Variants in INPPL1 observed in about 807,000 individuals in gnomAD.
INPPL1 encodes inositol polyphosphate phosphatase like 1, also known as phosphatidylinositol 3,4,5-trisphosphate 5-phosphatase 2.
INPPL1 carries 91 observed loss-of-function variants against 139.3 expected under a neutral mutation model. The ratio of observed to expected loss-of-function variants is 0.65; its 90% CI spans 0.55 to 0.78. INPPL1 has a LOEUF of 0.78. INPPL1 is among the 30% of genes least tolerant of loss of function. The probability of loss-of-function intolerance (pLI) is 0.00; values close to 1 mark genes in which losing one functional copy is unlikely to be tolerated. For missense variants in INPPL1, 1,411 were observed against 1,665.6 expected, an observed-to-expected ratio of 0.85 and a Z score of 2.66; for synonymous variants, 719 against 686.6, an observed-to-expected ratio of 1.05 and a Z score of -0.74.
rs759950656 is a variant in INPPL1, at chr11:72,238,119, G to C, written c.3630G>C (p.Leu1210Phe). 1 of 1,575,256 alleles carries C rather than the reference G, an allele frequency of 6.3e-7. No individual in the cohort carries two copies. Among genetic ancestry groups the C allele is most frequent in the Non-Finnish European group, 8.6e-7 (1 of 1,161,734 alleles). ...GMSAWLRAIG[L>F]ERYEEGLVHN... ...GTGCCTGGCTGCGGGCCATCGGCTTGGAGCGCTATGAGGAGGGCCTGGTGC... is the reference window on the plus strand; with the variant it reads ...GTGCCTGGCTGCGGGCCATCGGCTTCGAGCGCTATGAGGAGGGCCTGGTGC... Residue 1210 changes from leucine (L) to phenylalanine (F), a missense_variant, in exon 27 of 28, where the codon TTG becomes TTC. Physicochemically the swap from Leu to Phe is conservative, Grantham distance 22. Around this residue, in one of 5 missense-constraint regions of INPPL1, gnomAD observed 438 missense variants for 425.7 expected, o/e 1.03. Transcript: ENST00000298229.
chr11:72,226,377 C>T (rs1284990267), intron 1 of INPPL1, among the ~76,000 whole-genome samples: 4 of 151,988 alleles, frequency 2.6e-5, no homozygotes, highest in Admixed American at 1.3e-4. Context: ...GATGGGGTTT[C>T]ACCATATTGG....
upstream of INPPL1, chr11:72,223,818 G>T: frequency 6.6e-6 from 1 of 150,490 alleles, no homozygotes; most frequent in South Asian, 1.8e-4. Context: ...GGCGAGGCGC[G>T]GTGCTGCCCC....
Position 72,230,024 on chromosome 11 carries a change from A to C in INPPL1, c.939+5A>C. On this transcript the variant is annotated splice_donor_5th_base_variant and intron_variant, in intron 8 of 27. Coordinates refer to ENST00000298229, the MANE Select transcript of INPPL1 (RefSeq NM_001567.4). ...ATCCCCGTGCAGGCCTTTGAGGTAC[A>C]TGGCAGTGGGGCCTCACAGGGCCAA... 1 of 1,614,164 alleles carries C rather than the reference A, an allele frequency of 6.2e-7. No homozygotes were observed. The highest frequency in any genetic ancestry group is 8.5e-7 in the Non-Finnish European group (1 of 1,180,000).
chr11:72,225,467 C>T, intron 1 of INPPL1: 9 of 985,380 alleles, frequency 9.1e-6, no homozygotes, highest in Non-Finnish European at 1.1e-5. Flanking sequence ...CAGGCATCCT[C>T]CAGGTAGAAG....
Position 72,225,112 on chromosome 11 carries a change from G to T in INPPL1, c.128G>T (p.Ser43Ile). The T allele has an allele frequency of 8.1e-7, 1 of 1,233,092 alleles. No individual in the cohort carries two copies. Among genetic ancestry groups the T allele is most frequent in the Non-Finnish European group, 1.0e-6 (1 of 988,574 alleles). 76.4% of individuals were successfully genotyped at this position (1,233,092 alleles called of 1,614,324 possible). Residue 43 changes from serine to isoleucine, a missense_variant, in exon 1 of 28, where the codon AGC (serine) becomes ATC (isoleucine). This residue lies in a region of INPPL1 where 504 missense variants were observed against 595.6 expected (regional missense o/e 0.85). Transcript: ENST00000298229. The part of the protein sequence containing the change: ...ELLARAGRDG[S>I]FLVRDSESVA... ...CTGGCCCGGGCGGGCCGCGATGGCAGCTTCCTGGTCCGAGACAGCGAGAGC... is the reference window on the plus strand; with the variant it reads ...CTGGCCCGGGCGGGCCGCGATGGCATCTTCCTGGTCCGAGACAGCGAGAGC...
upstream of INPPL1, among the ~76,000 whole-genome samples, chr11:72,224,628 G>A (rs1948613161): frequency 6.8e-6 from 1 of 147,988 alleles, no homozygotes; most frequent in Admixed American, 6.7e-5. Flanking sequence ...GGCCCTTCGG[G>A]AAGGTGGGGG....
rs977707742 is a variant in INPPL1, at chr11:72,234,839, A to G, written c.2415+224A>G. On this transcript the variant is annotated intron_variant, in intron 21 of 27. Coordinates refer to ENST00000298229, the MANE Select transcript of INPPL1 (RefSeq NM_001567.4). The surrounding 1 kb of genome is among the most constrained non-coding windows in gnomAD (Gnocchi z 4.2). Reference sequence around the variant, plus strand: ...TGTGGAACCTTGTTGCAGTTTGTTCATTCATTCAGGAGATGCTTCTTGAGC... The same window carrying G: ...TGTGGAACCTTGTTGCAGTTTGTTCGTTCATTCAGGAGATGCTTCTTGAGC... Among the ~76,000 whole-genome samples the G allele has an allele frequency of 2.0e-5, 3 of 151,838 alleles. No homozygotes were observed. The highest frequency in any genetic ancestry group is 7.3e-5 in the African/African-American group (3 of 41,276).
chr11:72,223,836 C>CCGGGG (rs999590100), upstream of INPPL1: 8 of 150,030 alleles, frequency 5.3e-5, no homozygotes, highest in African/African-American at 7.3e-5. Flanking sequence ...CCCCGGCTCC[C>CCGGGG]CGGGGCGGCG....
chr11:72,234,707 G>A lies in INPPL1; in HGVS notation c.2415+92G>A, dbSNP rs1201883767. 1.1e-4 allele frequency: 92 copies of A among 849,546 alleles called. 1 individual carries two copies. The highest frequency in any genetic ancestry group is 3.9e-5 in the Non-Finnish European group (20 of 516,592). 52.6% of individuals were successfully genotyped at this position (849,546 alleles called of 1,614,324 possible). A position where few individuals can be genotyped will look rare whatever the true frequency, so the allele number is the denominator to read the frequency against. ...GGAGAGCCTGCCTGGGAGGGAGTGTGGGGCCAGCAGAGAGAGAGAGAGAGA... is the reference window on the plus strand; with the variant it reads ...GGAGAGCCTGCCTGGGAGGGAGTGTAGGGCCAGCAGAGAGAGAGAGAGAGA... On this transcript the variant is annotated intron_variant, in intron 21 of 27. Transcript: ENST00000298229. The surrounding 1 kb of genome is among the most constrained non-coding windows in gnomAD (Gnocchi z 4.2).
chr11:72,233,342 A>C, intron 17 of INPPL1, 99 bp from the exon 18 acceptor site: 1 of 1,126,672 alleles, frequency 8.9e-7, no homozygotes. Context: ...TAGGGCCTCT[A>C]GTAATAGAAG....
Position 72,232,327 on chromosome 11 carries a change from A to G in INPPL1, c.1703A>G (p.Lys568Arg). Residue 568 changes from lysine (K) to arginine (R), a missense_variant, in exon 14 of 28, where the codon AAG becomes AGG. Coordinates refer to ENST00000298229, the MANE Select transcript of INPPL1 (RefSeq NM_001567.4). ...TGTCACCTCACCTCGGGAAATGAGA[A>G]GACGGCTCGGTGAGGGGGCGCCTTT... ...VNCHLTSGNEKTARRNQNYLD... is the reference protein window; with the variant it reads ...VNCHLTSGNERTARRNQNYLD... The G allele has an allele frequency of 6.4e-7, 1 of 1,552,094 alleles. No homozygotes were observed. Among genetic ancestry groups the G allele is most frequent in the Non-Finnish European group, 8.7e-7 (1 of 1,147,120 alleles).
At position 72,231,589 on chromosome 11, in the gene INPPL1, T is replaced by C; in HGVS notation, c.1589T>C (p.Val530Ala). The C allele has an allele frequency of 1.2e-6, 2 of 1,613,686 alleles. No homozygotes were observed. The highest frequency in any genetic ancestry group is 1.7e-5 in the Admixed American group (1 of 60,020). ...ATCAGCCATGTCAGTACGTCCAGTG[T>C]GAAGACTGGCATCGCCAACACCCTG... ...NRISHVSTSSVKTGIANTLGN... is the reference protein window; with the variant it reads ...NRISHVSTSSAKTGIANTLGN... Residue 530 changes from valine (V) to alanine (A), a missense_variant, in exon 13 of 28, where the codon GTG becomes GCG. Transcript: ENST00000298229.
Position 72,231,185 on chromosome 11 carries a change from G to A in INPPL1, c.1493G>A (p.Arg498His), listed in dbSNP as rs770428487. 3.5e-5 allele frequency: 56 copies of A among 1,609,834 alleles called. No individual in the cohort carries two copies. The highest frequency in any genetic ancestry group is 1.3e-4 in the East Asian group (6 of 44,882). ...AAGGAGCTTACGGATCTGGATTACC[G>A]CCCGGTGAGGGGGGGTCATCTTGTC... ...GLKELTDLDY[R>H]PIAMQSLWNI... The change falls in exon 12 of 28, where the codon CGC becomes CAC. Residue 498 changes from arginine to histidine, a missense_variant. Arg to His is a conservative substitution (Grantham distance 29, BLOSUM62 0). Around this residue, in one of 5 missense-constraint regions of INPPL1, gnomAD observed 363 missense variants for 446.2 expected, o/e 0.81. Transcript: ENST00000298229.
rs1217847779 is a variant in INPPL1 at position 72,230,880 on chromosome 11, A to G, written c.1282A>G (p.Ile428Val). ...CGAGCCCGACATGATCTCAGTCTTCATAGGCACCTGGAACATGGGTCAGGC... is the reference window on the plus strand; with the variant it reads ...CGAGCCCGACATGATCTCAGTCTTCGTAGGCACCTGGAACATGGGTCAGGC... ...QDEPDMISVFIGTWNMGSVPP... is the reference protein window; with the variant it reads ...QDEPDMISVFVGTWNMGSVPP... The change falls in exon 11 of 28, where the codon ATA (isoleucine) becomes GTA (valine). Residue 428 changes from isoleucine (I) to valine (V), a missense_variant. Transcript: ENST00000298229. 6.2e-7 allele frequency: 1 copy of G among 1,614,062 alleles called. No individual in the cohort carries two copies. The highest frequency in any genetic ancestry group is 1.1e-5 in the South Asian group (1 of 91,074).
Position 72,233,132 on chromosome 11 carries a change from CAT to C in INPPL1, c.2012_2013del (p.Tyr671CysfsTer19), listed in dbSNP as rs1226924888. On this transcript the variant is annotated frameshift_variant, in exon 17 of 28. Transcript: ENST00000298229. LOFTEE classifies it high-confidence loss of function. ...CGCTATGAGCGGGGTTCCCGGGACA[CAT>C]ATGCCTGGCACAAGCAGAAGCCAAC... 1.2e-6 allele frequency: 2 copies of C among 1,613,932 alleles called. No individual in the cohort carries two copies. The highest frequency in any genetic ancestry group is 2.2e-5 in the East Asian group (1 of 44,888).
chr11:72,232,775 G>T lies in INPPL1; in HGVS notation c.1851+11G>T. ...GACATGGATATCCAGGTGCGAGCAG[G>T]GCCCTGCCATGGCTGTAGGGAGGCT... On this transcript the variant is annotated intron_variant, in intron 15 of 27. Coordinates refer to ENST00000298229, the MANE Select transcript of INPPL1 (RefSeq NM_001567.4). 6.2e-7 allele frequency: 1 copy of T among 1,613,994 alleles called. No individual in the cohort carries two copies. Among genetic ancestry groups the T allele is most frequent in the Non-Finnish European group, 8.5e-7 (1 of 1,179,996 alleles).
rs758694136 is a variant in INPPL1, at chr11:72,235,812, C to T, written c.2739-34C>T. The T allele has an allele frequency of 3.7e-6, 6 of 1,613,070 alleles. No homozygotes were observed. In the African/African-American group the frequency reaches 5.3e-5, roughly 14 times the overall value. On this transcript the variant is annotated intron_variant, in intron 24 of 27. Coordinates refer to ENST00000298229, the MANE Select transcript of INPPL1 (RefSeq NM_001567.4). This position sits in a 1 kb window ranked among gnomAD's most constrained non-coding sequence, Gnocchi z 4.9. ...GGGTACCTGGGGGCATCTGGTCAAC[C>T]CCACTTCATCTCTCTCCTGTGCATC... is the stretch of plus-strand genomic sequence containing the variant.
chr11:72,229,011 C>G, intron 4 of INPPL1, 79 bp from the exon 5 acceptor site: 1 of 1,535,856 alleles, frequency 6.5e-7, no homozygotes. Flanking sequence ...GCCACAGGTA[C>G]TATCTCCTCT....
chr11:72,228,634 CT>C lies in INPPL1; in HGVS notation c.398-90del. 3.2e-6 allele frequency: 5 copies of C among 1,549,908 alleles called. No homozygotes were observed. The South Asian group carries it at 4.7e-5, about 15-fold the overall frequency. The stretch of plus-strand genomic sequence containing the variant: ...CATGATGCCGGGGCCCTTTAACCCT[CT>C]TTCCATGGAAGTCACTTTACAGCTG... On this transcript the variant is annotated intron_variant, in intron 3 of 27. Transcript: ENST00000298229. The surrounding 1 kb of genome is among the most constrained non-coding windows in gnomAD (Gnocchi z 5.0).
Sources: gnomAD v4.1 joint callset for allele counts (sites outside exome capture counted in the v4.1 genomes callset) on GRCh38, gnomAD v4.1.1 for gene constraint, gnomAD v4.1.1 regional missense constraint, Gnocchi (gnomAD v3.1) non-coding constraint, MANE v1.5 for transcripts, NCBI Gene and HGNC (gene_info 2026-07-23, HGNC 2026-07-21) for gene names.